Variants in TCF12 observed in about 807,000 individuals in gnomAD.
TCF12 encodes the protein DNA-binding protein HTF4.
In TCF12, 45 loss-of-function variants were observed where a neutral mutation model predicts 86.0. The ratio of observed to expected loss-of-function variants is 0.52; its 90% CI spans 0.41 to 0.67. The LOEUF (loss-of-function observed/expected upper bound fraction) is 0.67, where lower values mean the gene tolerates loss of function less well. Among genes scored for constraint, TCF12 ranks in the 30% least tolerant of loss-of-function variants. The pLI is 0.00. For missense variants in TCF12, 881 were observed against 859.9 expected, an observed-to-expected ratio of 1.02 and a Z score of -0.31; for synonymous variants, 330 against 299.6, an observed-to-expected ratio of 1.10 and a Z score of -1.05.
chr15:57,166,675 C>T (rs1187338738), intron 6 of TCF12, among the ~76,000 whole-genome samples: 2 of 152,156 alleles, frequency 1.3e-5, no homozygotes, highest in Non-Finnish European at 2.9e-5. Flanking sequence ...TTTCATAACC[C>T]ACCTCCATTT....
At chr15:57,157,135 A>G (rs2151487907) in intron 5 of TCF12, among the ~76,000 whole-genome samples, 1 of 152,348 alleles carries the variant, frequency 6.6e-6, no homozygotes, top group Admixed American at 6.5e-5. Flanking sequence ...GGGTTAAGGC[A>G]TTGAATGATT....
At chr15:56,987,058 A>G (rs2063217469) in intron 3 of TCF12, among the ~76,000 whole-genome samples, 1 of 152,004 alleles carries the variant, frequency 6.6e-6, no homozygotes, top group South Asian at 2.1e-4. Context: ...GAATTTTGAT[A>G]TCTACTTGCA....
chr15:56,975,767 A>G (rs189055199), intron 3 of TCF12, among the ~76,000 whole-genome samples: 2 of 152,034 alleles, frequency 1.3e-5, no homozygotes, highest in Non-Finnish European at 2.9e-5. Context: ...TTAAAAGTCA[A>G]ATTTTCTTTG....
chr15:57,049,913 G>A (rs1302335704), intron 3 of TCF12, among the ~76,000 whole-genome samples: 5 of 151,878 alleles, frequency 3.3e-5, no homozygotes, highest in Non-Finnish European at 7.4e-5. Context: ...CCTTTGTTTT[G>A]CCCTTTCTGA....
rs535612449 is a variant in TCF12, at chr15:57,105,892, A to G, written c.325+14001A>G. Among the ~76,000 whole-genome samples the G allele has an allele frequency of 3.7e-4, 57 of 152,294 alleles. No homozygotes were observed. In the South Asian group the frequency reaches 0.011, roughly 30 times the overall value. On this transcript the variant is annotated intron_variant, in intron 5 of 20. Transcript: ENST00000333725. ...AAGTGTTCCATAAATATGAGTTGTT[A>G]TGTTCGTTATAAGGGGTATTTAAAA...
intron 8 of TCF12, among the ~76,000 whole-genome samples, chr15:57,223,643 G>GTTTTTTGTTTTTTTTTT: frequency 2.9e-5 from 2 of 69,690 alleles, no homozygotes; most frequent in African/African-American, 4.9e-5. Context: ...TACCAATGAG[G>GTTTTTTGTTTTTTTTTT]TTTTTTTTTT....
chr15:57,186,233 T>TTA, intron 6 of TCF12, among the ~76,000 whole-genome samples: 2 of 152,326 alleles, frequency 1.3e-5, no homozygotes, highest in East Asian at 3.9e-4. Flanking sequence ...ACCCAGTGGC[T>TTA]CATGCCTGTA....
chr15:57,153,186 G>T (rs1945270192), intron 5 of TCF12, among the ~76,000 whole-genome samples: 1 of 152,212 alleles, frequency 6.6e-6, no homozygotes, highest in African/African-American at 2.4e-5. Flanking sequence ...GCTGGAGTAA[G>T]TTCTTCAAGC....
chr15:57,045,668 C>G (rs147248626), intron 3 of TCF12, among the ~76,000 whole-genome samples: 345 of 152,234 alleles, frequency 2.3e-3, no homozygotes, highest in African/African-American at 8.0e-3. Flanking sequence ...ACCTCAACCT[C>G]CCAAGTATGT....
intron 5 of TCF12, among the ~76,000 whole-genome samples, chr15:57,095,723 C>T (rs1308485939): frequency 1.3e-5 from 2 of 152,058 alleles, no homozygotes; most frequent in Non-Finnish European, 2.9e-5. Context: ...AATTGCAGGG[C>T]TGAGAGTTAG....
At chr15:56,966,639 T>C (rs1432010079) in intron 3 of TCF12, among the ~76,000 whole-genome samples, 2 of 152,250 alleles carry the variant, frequency 1.3e-5, no homozygotes, top group Non-Finnish European at 2.9e-5. Flanking sequence ...CACGGACTGT[T>C]GTTATTTTTC....
chr15:57,020,562 G>A (rs2065416162), intron 3 of TCF12, among the ~76,000 whole-genome samples: 2 of 152,146 alleles, frequency 1.3e-5, no homozygotes, highest in African/African-American at 4.8e-5. Flanking sequence ...AAGTGTTCAA[G>A]CCATCGAAGG....
intron 5 of TCF12, among the ~76,000 whole-genome samples, chr15:57,146,440 A>G (rs1234316536): frequency 6.6e-6 from 1 of 152,176 alleles, no homozygotes; most frequent in Non-Finnish European, 1.5e-5. Flanking sequence ...TAGCCAGTGT[A>G]TTCATATTGT....
At chr15:56,946,147 T>C (rs1227525095) in intron 3 of TCF12, among the ~76,000 whole-genome samples, 2 of 152,208 alleles carry the variant, frequency 1.3e-5, no homozygotes, top group South Asian at 4.1e-4. Flanking sequence ...TAGTTGTTCA[T>C]CAAATTTGAA....
rs11395092 is a variant in TCF12, at chr15:57,219,720, CTTTTTTT to C, written c.580-11420_580-11414del. 3.4e-4 allele frequency: 102 copies of C among 295,870 alleles called. No individual in the cohort carries two copies. The South Asian group carries it at 5.2e-3, about 15-fold the overall frequency. 18.3% of individuals were successfully genotyped at this position (295,870 alleles called of 1,614,324 possible). ...ATGCAATGTATTAGATTGTAGATTT[CTTTTTTT>C]TTTTTTTTTTTGCGGGGGGACGGAG... On this transcript the variant is annotated intron_variant, in intron 8 of 20. Transcript: ENST00000333725.
chr15:57,031,953 G>C (rs541527774), intron 3 of TCF12, among the ~76,000 whole-genome samples: 1 of 152,168 alleles, frequency 6.6e-6, no homozygotes, highest in Admixed American at 6.5e-5. Context: ...TCTGTTTGAT[G>C]GAACTGTAGT....
chr15:56,937,888 C>A (rs1423575548), intron 3 of TCF12, among the ~76,000 whole-genome samples: 1 of 152,018 alleles, frequency 6.6e-6, no homozygotes, highest in Admixed American at 6.6e-5. Flanking sequence ...ATCCCTGTAT[C>A]CCTGGTATGA....
At chr15:57,203,654 A>C (rs2057667432) in intron 8 of TCF12, among the ~76,000 whole-genome samples, 1 of 152,218 alleles carries the variant, frequency 6.6e-6, no homozygotes, top group Admixed American at 6.5e-5. Context: ...ATTGTTTCTT[A>C]ATCAAGTGTC....
chr15:56,946,747 T>G (rs1305750070), intron 3 of TCF12, among the ~76,000 whole-genome samples: 2 of 151,600 alleles, frequency 1.3e-5, no homozygotes, highest in Non-Finnish European at 2.9e-5. Flanking sequence ...AGGGATCAAC[T>G]CAGACACTCC....
Sources: allele counts gnomAD v4.1 joint callset (sites outside exome capture counted in the v4.1 genomes callset), GRCh38; gene constraint gnomAD v4.1.1; transcripts MANE v1.5; gene names NCBI Gene and HGNC (gene_info 2026-07-23, HGNC 2026-07-21).